The following NEK3 variants were observed in gnomAD, a reference collection of about 807,000 sequenced individuals.
NEK3 encodes the protein serine/threonine-protein kinase Nek3.
In NEK3, 54 loss-of-function variants were observed where a neutral mutation model predicts 66.0. The ratio of observed to expected loss-of-function variants is 0.82; its 90% CI spans 0.66 to 1.03. The LOEUF (loss-of-function observed/expected upper bound fraction) is 1.03. Among genes scored for constraint, NEK3 ranks in the 50% least tolerant of loss-of-function variants. The pLI is 0.00. For missense variants in NEK3, 593 were observed against 603.0 expected, an observed-to-expected ratio of 0.98 and a Z score of 0.17; for synonymous variants, 200 against 206.2, an observed-to-expected ratio of 0.97 and a Z score of 0.26.
intron 1 of NEK3, chr13:52,159,142 G>C (rs985178083): frequency 6.6e-5 from 10 of 152,394 alleles, no homozygotes; most frequent in Admixed American, 6.5e-4. Context: ...CCCTGTTCTG[G>C]TTTGGCCAGC....
intron 11 of NEK3, among the ~76,000 whole-genome samples, chr13:52,139,395 A>G (rs1441631510): frequency 6.6e-6 from 1 of 152,164 alleles, no homozygotes; most frequent in Non-Finnish European, 1.5e-5. Context: ...ACCAGATTTG[A>G]GATTAGAGGC....
chr13:52,154,087 T>G lies in NEK3; in HGVS notation c.204A>C (p.Ser68=). ...GGGGGAATTCGTATTTACCTTCAAA[T>G]GATTCTTTGAAGGCAACAATATTAG... is the stretch of plus-strand genomic sequence containing the variant. ...KHPNIVAFKE[S]FEAEGHLYIV... Residue 68 remains serine, a synonymous_variant, in exon 3 of 16, where the codon TCA becomes TCC. Coordinates refer to ENST00000610828, the MANE Select transcript of NEK3 (RefSeq NM_002498.3). The G allele has an allele frequency of 1.2e-6, 2 of 1,609,352 alleles. No individual in the cohort carries two copies. The highest frequency in any genetic ancestry group is 1.1e-5 in the South Asian group (1 of 90,700).
intron 7 of NEK3, among the ~76,000 whole-genome samples, chr13:52,149,876 A>T (rs887877722): frequency 6.6e-6 from 1 of 152,112 alleles, no homozygotes; most frequent in South Asian, 2.1e-4. Flanking sequence ...CTCAAAAAAA[A>T]AAAAAAAAGG....
chr13:52,150,576 C>G (rs1277563054), intron 7 of NEK3, among the ~76,000 whole-genome samples: 1 of 152,204 alleles, frequency 6.6e-6, no homozygotes, highest in Non-Finnish European at 1.5e-5. Flanking sequence ...TCCATCCCCA[C>G]AATTGGCACA....
At chr13:52,149,928 T>C (rs1956328729) in intron 7 of NEK3, among the ~76,000 whole-genome samples, 1 of 150,724 alleles carries the variant, frequency 6.6e-6, no homozygotes, top group Non-Finnish European at 1.5e-5. Context: ...CATCAGCATG[T>C]ATCTCCTAAG....
chr13:52,155,122 A>C (rs983905371), intron 2 of NEK3, among the ~76,000 whole-genome samples: 1 of 152,040 alleles, frequency 6.6e-6, no homozygotes, highest in East Asian at 2.0e-4. Context: ...ACAGCAGTCC[A>C]TGTTTTAACA....
intron 10 of NEK3, among the ~76,000 whole-genome samples, chr13:52,143,056 C>A (rs1014020455): frequency 6.6e-5 from 10 of 152,166 alleles, no homozygotes; most frequent in Admixed American, 3.9e-4. Context: ...TGTTTAAGAG[C>A]AGATCCACCC....
intron 1 of NEK3, among the ~76,000 whole-genome samples, chr13:52,158,501 G>C (rs1229943644): frequency 6.6e-6 from 1 of 152,182 alleles, no homozygotes; most frequent in Non-Finnish European, 1.5e-5. Context: ...GTTTCCCCAT[G>C]ATCTTATTCT....
intron 1 of NEK3, chr13:52,157,448 T>C (rs1238176500): frequency 6.6e-6 from 1 of 152,258 alleles, no homozygotes; most frequent in African/African-American, 2.4e-5. Context: ...ATGAACCAGA[T>C]GGTTTCTTGG....
chr13:52,151,514 A>T (rs1265530707), intron 5 of NEK3, 122 bp from the exon 6 acceptor site: 1 of 817,232 alleles, frequency 1.2e-6, no homozygotes, highest in Non-Finnish European at 2.0e-6. Flanking sequence ...GCTGAGTCCC[A>T]GAGTGGAACA....
intron 12 of NEK3, among the ~76,000 whole-genome samples, 172 bp downstream of exon 12, chr13:52,136,628 T>C (rs1956208638): frequency 6.6e-6 from 1 of 152,070 alleles, no homozygotes; most frequent in South Asian, 2.1e-4. Flanking sequence ...TAAATGCTAT[T>C]CTCTCTTTTG....
At chr13:52,144,548 G>C (rs938600477) in intron 9 of NEK3, 143 bp downstream of exon 9, 14 of 670,022 alleles carry the variant, frequency 2.1e-5, no homozygotes, top group Non-Finnish European at 3.3e-5. Flanking sequence ...GGAAGGAAAC[G>C]AAGTTTTAAC....
In NEK3 at chr13:52,144,989, C is replaced by T. The variant is rs1257160208; in HGVS notation, c.604-98G>A. 5 of 794,286 alleles carry T rather than the reference C, an allele frequency of 6.3e-6. No individual in the cohort carries two copies. The South Asian group carries it at 6.8e-5, about 11-fold the overall frequency. The allele number at this position is 794,286 out of a possible 1,614,324, so 49.2% of individuals were successfully genotyped here. A position where few individuals can be genotyped will look rare whatever the true frequency, so the allele number is the denominator to read the frequency against. ...AATTATTCTAATTTTATAAACATAT[C>T]TGCTGTCTGGTCATTTTTCTTTCTA... On this transcript the variant is annotated intron_variant, in intron 8 of 15. Coordinates refer to ENST00000610828, the MANE Select transcript of NEK3 (RefSeq NM_002498.3).
rs1419463943 is a variant in NEK3, at chr13:52,133,240, A to G, written c.1437-14T>C. The G allele has an allele frequency of 1.9e-6, 3 of 1,589,522 alleles. No individual in the cohort carries two copies. Among genetic ancestry groups the G allele is most frequent in the Non-Finnish European group, 1.7e-6 (2 of 1,166,090 alleles). On this transcript the variant is annotated splice_polypyrimidine_tract_variant and intron_variant, in intron 15 of 15. Coordinates refer to ENST00000610828, the MANE Select transcript of NEK3 (RefSeq NM_002498.3). ...TCCTCAAAGTCCCTGTGAAAAAACA[A>G]TTTGGACCATAAACCTCTACATTAG... is the stretch of plus-strand genomic sequence containing the variant.
At chr13:52,152,752 C>A in intron 4 of NEK3, 60 bp from the exon 5 acceptor site, 1 of 1,098,040 alleles carries the variant, frequency 9.1e-7, no homozygotes, top group Non-Finnish European at 1.4e-6. Context: ...TGTTAACCTA[C>A]AATTCCAAAG....
intron 7 of NEK3, 149 bp downstream of exon 7, chr13:52,150,997 C>A (rs1956340596): frequency 1.6e-6 from 1 of 643,970 alleles, no homozygotes; most frequent in South Asian, 2.0e-5. Context: ...AATATAGATT[C>A]CAGATATATT....
chr13:52,152,769 C>T, intron 4 of NEK3, 77 bp from the exon 5 acceptor site: 1 of 903,592 alleles, frequency 1.1e-6, no homozygotes, highest in South Asian at 1.4e-5. Flanking sequence ...AAAGAATCAT[C>T]TCTAGGCCTT....
intron 15 of NEK3, 47 bp downstream of exon 15, chr13:52,133,642 C>CACACAT (rs2138185875): frequency 1.9e-6 from 3 of 1,540,290 alleles, no homozygotes; most frequent in Non-Finnish European, 2.6e-6. Context: ...CACACACACA[C>CACACAT]ACACCCCCAA....
intron 10 of NEK3, 64 bp downstream of exon 10, chr13:52,143,851 C>G (rs928409057): frequency 3.7e-6 from 3 of 813,548 alleles, no homozygotes; most frequent in African/African-American, 3.5e-5. Context: ...TTATACATTT[C>G]TTTTCTGTTA....
Sources: gnomAD v4.1 joint callset for allele counts (sites outside exome capture counted in the v4.1 genomes callset) on GRCh38, gnomAD v4.1.1 for gene constraint, MANE v1.5 for transcripts, NCBI Gene and HGNC (gene_info 2026-07-23, HGNC 2026-07-21) for gene names.